NUMA1: variants seen among roughly 807,000 people sequenced by gnomAD.
NUMA1 encodes the protein nuclear mitotic apparatus protein 1, also known as SP-H antigen.
In NUMA1, 62 loss-of-function variants were observed where a neutral mutation model predicts 237.1. The observed-to-expected ratio is 0.26, with a 90% CI of 0.21 to 0.32. The LOEUF is 0.32. NUMA1 is among the 10% of genes least tolerant of loss of function. The probability of loss-of-function intolerance (pLI) is 1.00; values close to 1 mark genes in which losing one functional copy is unlikely to be tolerated. For missense variants in NUMA1, 2,533 were observed against 2,666.5 expected (o/e 0.95, Z 1.10); for synonymous variants, 1,028 against 1,066.1 (o/e 0.96, Z 0.70).
chr11:72,036,041 C>T (rs573117013), intron 2 of NUMA1, 66 bp from the exon 3 acceptor site: 15 of 1,255,450 alleles, frequency 1.2e-5, no homozygotes, highest in African/African-American at 2.9e-5. Context: ...GAAATAAAGG[C>T]GAAATGGTTC....
chr11:72,067,561 A>T (rs1352471528), intron 2 of NUMA1: 1 of 152,150 alleles, frequency 6.6e-6, no homozygotes, highest in African/African-American at 2.4e-5. Flanking sequence ...TAGCTACTTA[A>T]TGTCTGATCA....
At chr11:72,066,605 C>T (rs1259600051) in intron 2 of NUMA1, 1 of 152,196 alleles carries the variant, frequency 6.6e-6, no homozygotes, top group South Asian at 2.1e-4. Flanking sequence ...ACCTACTGAA[C>T]TCCTATTCTT....
At chr11:72,032,241 ACGTC>A (rs1940438024) in intron 3 of NUMA1, among the ~76,000 whole-genome samples, 1 of 152,144 alleles carries the variant, frequency 6.6e-6, no homozygotes, top group Non-Finnish European at 1.5e-5. Flanking sequence ...TGACTTATTG[ACGTC>A]TTAAAGAGTT....
Position 72,014,159 on chromosome 11 carries a change from G to A in NUMA1, c.3344C>T (p.Thr1115Ile). ...CTCCAGCTTGGGGCCTGTTGGCTCT[G>A]TCCTGCCAGCAGCCTCAGATTGGGC... ...SGAQSEAAGR[T>I]EPTGPKLEAL... The change falls in exon 15 of 27, where the codon ACA (threonine) becomes ATA (isoleucine). Residue 1115 changes from threonine (T) to isoleucine (I), a missense_variant. By Grantham distance (89) the Thr-to-Ile change is moderately conservative. Transcript: ENST00000393695. This position sits in a 1 kb window ranked among gnomAD's most constrained non-coding sequence, Gnocchi z 4.6. 1 of 1,613,476 alleles carries A rather than the reference G, an allele frequency of 6.2e-7. No individual in the cohort carries two copies. The highest frequency in any genetic ancestry group is 8.5e-7 in the Non-Finnish European group (1 of 1,180,032).
intron 26 of NUMA1, 165 bp from the exon 27 acceptor site, chr11:72,003,703 T>C (rs1170445545): frequency 5.6e-5 from 57 of 1,012,714 alleles, no homozygotes; most frequent in Non-Finnish European, 7.2e-5. Flanking sequence ...CTGGGTGCTC[T>C]CCATGAGAAT....
At chr11:72,052,137 A>G (rs1244292688) in intron 2 of NUMA1, among the ~76,000 whole-genome samples, 1 of 152,214 alleles carries the variant, frequency 6.6e-6, no homozygotes, top group Non-Finnish European at 1.5e-5. Flanking sequence ...TTACAGACGT[A>G]GAGACAATGC....
intron 4 of NUMA1, among the ~76,000 whole-genome samples, chr11:72,025,710 A>C (rs917821090): frequency 5.3e-5 from 8 of 152,180 alleles, no homozygotes; most frequent in Non-Finnish European, 1.0e-4. Context: ...TGCAAGCATA[A>C]GCATCATCCA....
chr11:72,054,750 G>A (rs1365618737), intron 2 of NUMA1, among the ~76,000 whole-genome samples: 3 of 152,134 alleles, frequency 2.0e-5, no homozygotes, highest in Admixed American at 2.0e-4. Flanking sequence ...GATATCTACT[G>A]GATATACAGT....
chr11:72,008,128 G>A (rs555518197), intron 20 of NUMA1: 22 of 479,356 alleles, frequency 4.6e-5, no homozygotes, highest in Non-Finnish European at 8.7e-5. Flanking sequence ...AGGTATAATT[G>A]TCATGAGTGC....
intron 1 of NUMA1, among the ~76,000 whole-genome samples, chr11:72,076,229 C>T (rs1413513486): frequency 1.3e-5 from 2 of 151,690 alleles, no homozygotes; most frequent in Non-Finnish European, 1.5e-5. Context: ...TAAAAATTTG[C>T]CGGGTATGGT....
In NUMA1 at chr11:72,016,269, A is replaced by G. The variant is rs368324145; in HGVS notation, c.1243-9T>C. On this transcript the variant is annotated splice_polypyrimidine_tract_variant and intron_variant, in intron 14 of 26. Coordinates refer to ENST00000393695, the MANE Select transcript of NUMA1 (RefSeq NM_006185.4). ...TGCTTCAAGGTTTCCAGCTGGTGGT[A>G]TAAAGAGACAAACTGGGATCAGCAT... 9.4e-6 allele frequency: 15 copies of G among 1,590,146 alleles called. No individual in the cohort carries two copies. The African/African-American group carries it at 1.7e-4, about 19-fold the overall frequency.
chr11:72,035,737 A>G (rs1422498047), intron 3 of NUMA1, among the ~76,000 whole-genome samples, 165 bp downstream of exon 3: 2 of 152,198 alleles, frequency 1.3e-5, no homozygotes, highest in Non-Finnish European at 2.9e-5. Flanking sequence ...TCAGAAAAAT[A>G]CACACAGAGC....
intron 2 of NUMA1, among the ~76,000 whole-genome samples, chr11:72,063,983 C>A (rs1175409211): frequency 6.8e-6 from 1 of 146,408 alleles, no homozygotes; most frequent in African/African-American, 2.5e-5. Context: ...GTTCTTTCAT[C>A]AAATAATTCC....
intron 2 of NUMA1, among the ~76,000 whole-genome samples, chr11:72,044,054 T>C (rs1941854005): frequency 6.6e-6 from 1 of 152,200 alleles, no homozygotes. Context: ...TACGAACTCA[T>C]TAATCTTAAA....
intron 2 of NUMA1, among the ~76,000 whole-genome samples, chr11:72,060,501 G>A (rs1323880004): frequency 6.6e-6 from 1 of 152,188 alleles, no homozygotes; most frequent in Non-Finnish European, 1.5e-5. Context: ...AAAATAGCCA[G>A]TTGTGGTGGC....
intron 4 of NUMA1, among the ~76,000 whole-genome samples, chr11:72,026,562 T>G (rs994530786): frequency 6.6e-6 from 1 of 152,238 alleles, no homozygotes; most frequent in Non-Finnish European, 1.5e-5. Context: ...GGGAAACTTG[T>G]CAGAGGGGTT....
Position 72,013,690 on chromosome 11 carries a change from C to T in NUMA1, c.3813G>A (p.Leu1271=). 1 of 1,609,252 alleles carries T rather than the reference C, an allele frequency of 6.2e-7. No individual in the cohort carries two copies. ...TGTTGCTGGCTGTCTCTGCCTGCAG[C>T]AGGCGCAGCCTCTCCTCCAGCTTCT... is the stretch of plus-strand genomic sequence containing the variant. The part of the protein sequence containing the change: ...KSQKLEERLR[L]LQAETASNSA... Residue 1271 remains leucine, a synonymous_variant, in exon 15 of 27, where the codon CTG becomes CTA. Transcript: ENST00000393695. The surrounding 1 kb of genome is among the most constrained non-coding windows in gnomAD (Gnocchi z 6.8).
chr11:72,038,715 G>A (rs897574851), intron 2 of NUMA1, among the ~76,000 whole-genome samples: 1 of 151,900 alleles, frequency 6.6e-6, no homozygotes, highest in Non-Finnish European at 1.5e-5. Context: ...AGATCCTTGC[G>A]ATTGTAGCCT....
rs139359161 is a variant in NUMA1, at chr11:72,018,230, G to C, written c.931C>G (p.Arg311Gly). The C allele has an allele frequency of 6.2e-7, 1 of 1,614,052 alleles. No homozygotes were observed. The highest frequency in any genetic ancestry group is 8.5e-7 in the Non-Finnish European group (1 of 1,180,016). ...DLKTEKSQMD[R>G]KINQLSEENG... is the part of the protein sequence containing the mutation. ...TCCTCCGAAAGCTGGTTGATTTTGC[G>C]ATCCATCTGGCTCTTCTCTGTCTTC... Residue 311 changes from arginine (R) to glycine (G), a missense_variant, in exon 12 of 27, where the codon CGC becomes GGC. Arg to Gly is a moderately radical substitution (Grantham distance 125). Transcript: ENST00000393695.
Sources: allele counts gnomAD v4.1 joint callset (sites outside exome capture counted in the v4.1 genomes callset), GRCh38; gene constraint gnomAD v4.1.1; non-coding constraint Gnocchi (gnomAD v3.1); transcripts MANE v1.5; gene names NCBI Gene and HGNC (gene_info 2026-07-23, HGNC 2026-07-21).